The following MLH3 variants were observed in gnomAD, a reference collection of about 807,000 sequenced individuals.
The protein encoded by MLH3 is DNA mismatch repair protein Mlh3.
In MLH3, 82 loss-of-function variants were observed where a neutral mutation model predicts 122.2. That is an observed-to-expected ratio of 0.67 (90% CI 0.56 to 0.81). MLH3 has a LOEUF of 0.81. Ranked by LOEUF, MLH3 falls within the 30% of genes least tolerant of loss-of-function variation. MLH3 has a pLI of 0.00. For synonymous variants in MLH3, 524 were observed against 599.5 expected, an observed-to-expected ratio of 0.87 and a Z score of 1.84; for missense variants, 1,539 against 1,714.5, an observed-to-expected ratio of 0.90 and a Z score of 1.81.
Position 75,048,848 on chromosome 14 carries a change from A to C in MLH3, c.808T>G (p.Phe270Val), listed in dbSNP as rs931639997. Reference protein sequence around the residue: ...LRTKLHKLIDFLLRKESIICK... With the variant: ...LRTKLHKLIDVLLRKESIICK... ...ATAATACTTTCTTTCCTTAATAAAAAGTCAATGAGTTTATGTAGCTTTGTC... is the reference window on the plus strand; with the variant it reads ...ATAATACTTTCTTTCCTTAATAAAACGTCAATGAGTTTATGTAGCTTTGTC... The change falls in exon 2 of 13, where the codon TTT (phenylalanine) becomes GTT (valine). Residue 270 changes from phenylalanine to valine, a missense_variant. Transcript: ENST00000355774. 3.7e-6 allele frequency: 6 copies of C among 1,614,056 alleles called. No individual in the cohort carries two copies. In the African/African-American group the frequency reaches 8.0e-5, roughly 22 times the overall value.
chr14:75,027,172 C>G (rs979576507), intron 9 of MLH3, among the ~76,000 whole-genome samples: 1 of 151,856 alleles, frequency 6.6e-6, no homozygotes, highest in South Asian at 2.1e-4. Context: ...GGGGGGATAA[C>G]TGGCAATGTG....
intron 4 of MLH3, 132 bp from the exon 5 acceptor site, chr14:75,040,147 TTATAGA>T (rs1196469053): frequency 1.8e-6 from 1 of 566,258 alleles, no homozygotes; most frequent in Non-Finnish European, 3.3e-6. Flanking sequence ...TTCAGGGAAT[TTATAGA>T]AATTCAAAAG....
At chr14:75,029,447 T>A (rs1049414835) in intron 9 of MLH3, among the ~76,000 whole-genome samples, 1 of 152,152 alleles carries the variant, frequency 6.6e-6, no homozygotes, top group African/African-American at 2.4e-5. Flanking sequence ...TCCCTAAACA[T>A]AGGATGTATC....
intron 9 of MLH3, 90 bp downstream of exon 9, chr14:75,030,453 T>A: frequency 7.6e-7 from 1 of 1,312,002 alleles, no homozygotes; most frequent in East Asian, 2.3e-5. Context: ...GAATACTTGT[T>A]GAAGAAAAGA....
At chr14:75,042,924 C>A (rs1188899038) in intron 2 of MLH3, among the ~76,000 whole-genome samples, 1 of 152,036 alleles carries the variant, frequency 6.6e-6, no homozygotes, top group African/African-American at 2.4e-5. Context: ...TACAGGCATG[C>A]GTCACCACAC....
Position 75,048,381 on chromosome 14 carries a change from A to C in MLH3, c.1275T>G (p.Ser425=), listed in dbSNP as rs1435077418. ...TTAENVNTQS[S]RDSEATRKNT... is the part of the protein sequence containing the mutation. The stretch of plus-strand genomic sequence containing the variant: ...TTTTTCTGGTAGCTTCTGAATCCCT[A>C]GAACTCTGTGTGTTTACGTTTTCTG... Residue 425 remains serine (S), a synonymous_variant, in exon 2 of 13, where the codon TCT becomes TCG. Coordinates refer to ENST00000355774, the MANE Select transcript of MLH3 (RefSeq NM_001040108.2). 6.2e-7 allele frequency: 1 copy of C among 1,611,878 alleles called. No homozygotes were observed. The highest frequency in any genetic ancestry group is 1.3e-5 in the African/African-American group (1 of 74,762).
At chr14:75,021,105 G>C (rs1015458558) in intron 11 of MLH3, among the ~76,000 whole-genome samples, 1 of 152,206 alleles carries the variant, frequency 6.6e-6, no homozygotes, top group African/African-American at 2.4e-5. Flanking sequence ...TCGAACTCCT[G>C]ACCTCAGGTG....
intron 9 of MLH3, among the ~76,000 whole-genome samples, chr14:75,028,295 A>G (rs999100880): frequency 6.6e-6 from 1 of 152,176 alleles, no homozygotes; most frequent in Non-Finnish European, 1.5e-5. Flanking sequence ...GGCTGCCTAT[A>G]GGATAAAATG....
chr14:75,030,856 G>C lies in MLH3; in HGVS notation c.3828-154C>G, dbSNP rs972466983. 9.1e-6 allele frequency: 6 copies of C among 662,296 alleles called. No homozygotes were observed. The African/African-American group carries it at 9.2e-5, about 10-fold the overall frequency. The allele number at this position is 662,296 out of a possible 1,614,324, so 41.0% of individuals were successfully genotyped here. Reference sequence around the variant, plus strand: ...CTCACACTTATGTGTGGGTGTTTGGGATTTTTTATTATCAAATTTCCTTTT... The same window carrying C: ...CTCACACTTATGTGTGGGTGTTTGGCATTTTTTATTATCAAATTTCCTTTT... On this transcript the variant is annotated intron_variant, in intron 8 of 12. Transcript: ENST00000355774.
At chr14:75,022,922 A>AT in intron 10 of MLH3, 30 bp from the exon 11 acceptor site, 3 of 1,613,922 alleles carry the variant, frequency 1.9e-6, no homozygotes, top group Non-Finnish European at 2.5e-6. Context: ...TTAACAGGAA[A>AT]AGAAAACGGA....
At chr14:75,036,433 C>A (rs1426210326) in intron 6 of MLH3, among the ~76,000 whole-genome samples, 2 of 152,094 alleles carry the variant, frequency 1.3e-5, no homozygotes, top group African/African-American at 4.8e-5. Context: ...GCAACCTCCG[C>A]CTCCCGGGTT....
chr14:75,019,130 G>C (rs1890097633), intron 11 of MLH3, 150 bp from the exon 12 acceptor site: 2 of 728,110 alleles, frequency 2.7e-6, no homozygotes, highest in Non-Finnish European at 4.6e-6. Context: ...GGTGCTTATA[G>C]GCCGGGCATG....
chr14:75,037,160 A>C (rs1891474875), intron 6 of MLH3, among the ~76,000 whole-genome samples: 1 of 152,196 alleles, frequency 6.6e-6, no homozygotes, highest in Admixed American at 6.5e-5. Flanking sequence ...CCTCATCTCC[A>C]GTTCCCCTTG....
Position 75,048,656 on chromosome 14 carries a change from C to A in MLH3, c.1000G>T (p.Asp334Tyr). 6.2e-7 allele frequency: 1 copy of A among 1,614,146 alleles called. No homozygotes were observed. ...TCCTGAATGCAAAACAAGAGAGTGT[C>A]CCAGTTCTGAAATTCAATCAGAGTT... ...AKTLIEFQNW[D>Y]TLLFCIQEGV... is the part of the protein sequence containing the mutation. The change falls in exon 2 of 13, where the codon GAC (aspartate) becomes TAC (tyrosine). Residue 334 changes from aspartate (D) to tyrosine (Y), a missense_variant. Asp to Tyr is a radical substitution (Grantham distance 160, BLOSUM62 -3). Transcript: ENST00000355774.
Position 75,017,032 on chromosome 14 carries a change from A to G in MLH3, c.*50T>C. On this transcript the variant is annotated 3_prime_UTR_variant, in exon 13 of 13. Transcript: ENST00000355774. ...CCTGCTGCTGCTGCTCTCTGCTCAG[A>G]GGCATACAGTGAACATCCCTTTGTT... 1 of 1,606,888 alleles carries G rather than the reference A, an allele frequency of 6.2e-7. No individual in the cohort carries two copies. Among genetic ancestry groups the G allele is most frequent in the Non-Finnish European group, 8.5e-7 (1 of 1,175,082 alleles).
In MLH3 at chr14:75,030,660, T is replaced by C. The variant is rs974772910; in HGVS notation, c.3870A>G (p.Val1290=). ...CCAGAGAATCACTAGTGTCTGGAAA[T>C]ACAAATTCAAGGCCCAGATCTTCCA... ...KNLEDLGLEF[V]FPDTSDSLVL... The change falls in exon 9 of 13, where the codon GTA becomes GTG. Residue 1290 remains valine, a synonymous_variant. Transcript: ENST00000355774. 1 of 1,613,858 alleles carries C rather than the reference T, an allele frequency of 6.2e-7. No homozygotes were observed. The highest frequency in any genetic ancestry group is 1.1e-5 in the South Asian group (1 of 91,080).
intron 7 of MLH3, among the ~76,000 whole-genome samples, 190 bp from the exon 8 acceptor site, chr14:75,032,369 A>G (rs1891109058): frequency 6.6e-6 from 1 of 152,186 alleles, no homozygotes; most frequent in Non-Finnish European, 1.5e-5. Context: ...TTTTGGTAGT[A>G]TTTTTCAAAA....
chr14:75,047,788 G>T lies in MLH3; in HGVS notation c.1868C>A (p.Thr623Lys), dbSNP rs1187333358. ...AACATAATTTTTAAATGAATGTTCTGTTTCAGTTGATTTAGTTTTTTCATT... is the reference window on the plus strand; with the variant it reads ...AACATAATTTTTAAATGAATGTTCTTTTTCAGTTGATTTAGTTTTTTCATT... ...VQNEKTKSTE[T>K]EHSFKNYVRP... Residue 623 changes from threonine (T) to lysine (K), a missense_variant, in exon 2 of 13, where the codon ACA (threonine) becomes AAA (lysine). Transcript: ENST00000355774. 4.3e-6 allele frequency: 7 copies of T among 1,613,922 alleles called. No homozygotes were observed. In the East Asian group the frequency reaches 1.3e-4, roughly 31 times the overall value.
At position 75,048,034 on chromosome 14, in the gene MLH3, A is replaced by G. The variant is rs1594780468; in HGVS notation, c.1622T>C (p.Ile541Thr). 2 of 1,613,676 alleles carry G rather than the reference A, an allele frequency of 1.2e-6. No individual in the cohort carries two copies. Among genetic ancestry groups the G allele is most frequent in the Non-Finnish European group, 1.7e-6 (2 of 1,179,906 alleles). Residue 541 changes from isoleucine to threonine, a missense_variant, in exon 2 of 13, where the codon ATC becomes ACC. Coordinates refer to ENST00000355774, the MANE Select transcript of MLH3 (RefSeq NM_001040108.2). ...ATTCTGAATTCTATTATTTTTCAAG[A>G]TGTTGGCAGCCATGCCATTAACAGT... ...STTVNGMAAN[I>T]LKNNRIQNQP...
Sources: gnomAD v4.1 joint callset for allele counts (sites outside exome capture counted in the v4.1 genomes callset) on GRCh38, gnomAD v4.1.1 for gene constraint, MANE v1.5 for transcripts, NCBI Gene and HGNC (gene_info 2026-07-23, HGNC 2026-07-21) for gene names.